Variants in CYRIB observed in about 807,000 individuals in gnomAD.
CYRIB encodes the protein CYFIP-related Rac1 interactor B.
In CYRIB, 8 loss-of-function variants were observed where a neutral mutation model predicts 44.2. The ratio of observed to expected loss-of-function variants is 0.18; its 90% confidence interval spans 0.11 to 0.33. CYRIB has a LOEUF of 0.33. Among genes scored for constraint, CYRIB ranks in the 10% least tolerant of loss-of-function variants. CYRIB has a pLI of 1.00. For missense variants in CYRIB, 185 were observed against 382.8 expected, an observed-to-expected ratio of 0.48 and a Z score of 4.31; for synonymous variants, 131 against 127.2, an observed-to-expected ratio of 1.03 and a Z score of -0.20.
At chr8:129,938,397 C>A (rs567300947) in intron 1 of CYRIB, among the ~76,000 whole-genome samples, 1 of 152,308 alleles carries the variant, frequency 6.6e-6, no homozygotes, top group African/African-American at 2.4e-5. Flanking sequence ...CTTTGGAATG[C>A]CGATCTCCCA....
chr8:129,957,157 T>C (rs996265107), intron 2 of CYRIB, among the ~76,000 whole-genome samples: 14 of 152,192 alleles, frequency 9.2e-5, no homozygotes, highest in African/African-American at 3.4e-4. Flanking sequence ...CCACTGTGCA[T>C]GGCCTAAGCC....
chr8:129,858,583 G>A (rs1166246359), intron 5 of CYRIB, among the ~76,000 whole-genome samples: 1 of 152,204 alleles, frequency 6.6e-6, no homozygotes, highest in African/African-American at 2.4e-5. Flanking sequence ...ACTCTCAGAA[G>A]AGAACCTGAG....
intron 1 of CYRIB, among the ~76,000 whole-genome samples, chr8:130,003,551 T>C (rs912357399): frequency 6.6e-6 from 1 of 152,218 alleles, no homozygotes; most frequent in African/African-American, 2.4e-5. Flanking sequence ...CAATCTCAGG[T>C]GCTTTTCAGC....
chr8:129,855,560 A>C, intron 6 of CYRIB, 51 bp downstream of exon 8: 1 of 1,594,788 alleles, frequency 6.3e-7, no homozygotes, highest in Non-Finnish European at 8.6e-7. Context: ...CCTAGTACTC[A>C]TTAAAAGATT....
exon 12 of CYRIB, chr8:129,839,626 A>G (rs1440416120): frequency 1.3e-5 from 2 of 152,366 alleles, no homozygotes; most frequent in South Asian, 4.1e-4. Context: ...TATGAACACT[A>G]AAATTTGAAT....
intron 2 of CYRIB, among the ~76,000 whole-genome samples, chr8:129,952,526 A>G (rs1245738867): frequency 6.6e-6 from 1 of 152,196 alleles, no homozygotes; most frequent in Non-Finnish European, 1.5e-5. Flanking sequence ...AAACTCAATG[A>G]TAACAAGATG....
chr8:130,013,696 C>T lies in CYRIB; in HGVS notation c.-296+2674G>A, dbSNP rs577436517. 2.6e-4 allele frequency among the ~76,000 whole-genome samples: 40 copies of T among 152,262 alleles called. No homozygotes were observed. In the South Asian group the frequency reaches 3.9e-3, roughly 15 times the overall value. On this transcript the variant is annotated intron_variant, in intron 1 of 14. Coordinates refer to the CYRIB transcript ENST00000401979. ...CCTCCTGGCACCCGCGTCCCTCGGGCGTCCTTCCTGTTCTTCGTGTGCATG... is the reference window on the plus strand; with the variant it reads ...CCTCCTGGCACCCGCGTCCCTCGGGTGTCCTTCCTGTTCTTCGTGTGCATG...
exon 12 of CYRIB, chr8:129,842,170 G>T: frequency 6.2e-7 from 1 of 1,612,628 alleles, no homozygotes. Flanking sequence ...AATTTGCTTG[G>T]AGGTAGTCTC....
At chr8:129,840,935 G>A (rs758644483) in exon 12 of CYRIB, 3 of 152,136 alleles carry the variant, frequency 2.0e-5, no homozygotes, top group Non-Finnish European at 2.9e-5. Context: ...ATTATACCTC[G>A]GATATTCCTA....
intron 1 of CYRIB, among the ~76,000 whole-genome samples, chr8:129,903,866 T>C (rs2073736764): frequency 6.6e-6 from 1 of 152,202 alleles, no homozygotes; most frequent in Non-Finnish European, 1.5e-5. Flanking sequence ...TTTGGCAAAA[T>C]TCAAGTGAAC....
chr8:130,001,390 C>T (rs2096903721), intron 1 of CYRIB, among the ~76,000 whole-genome samples: 1 of 152,094 alleles, frequency 6.6e-6, no homozygotes, highest in South Asian at 2.1e-4. Flanking sequence ...ATTGAGAACA[C>T]ACTGACCACA....
chr8:129,915,814 T>G (rs2080453698), intron 1 of CYRIB, among the ~76,000 whole-genome samples: 1 of 152,182 alleles, frequency 6.6e-6, no homozygotes, highest in African/African-American at 2.4e-5. Context: ...CACATTACTC[T>G]AAGGTATGTA....
Position 129,879,304 on chromosome 8 carries a change from T to C in CYRIB, c.73+85A>G, listed in dbSNP as rs1450979951. ...CAGTCATGCAAAGCAGTTAAAAAGA[T>C]GGCAAAGTGGAAACATTCATTTAGT... On this transcript the variant is annotated intron_variant, in intron 3 of 11. Transcript: ENST00000519824. The C allele has an allele frequency of 4.1e-5, 37 of 907,788 alleles. No homozygotes were observed. In the Admixed American group the frequency reaches 6.3e-4, roughly 15 times the overall value. The allele number at this position is 907,788 out of a possible 1,614,324, so 56.2% of individuals were successfully genotyped here.
intron 5 of CYRIB, 73 bp from the exon 8 acceptor site, chr8:129,855,820 A>G: frequency 7.4e-7 from 1 of 1,345,432 alleles, no homozygotes; most frequent in South Asian, 1.4e-5. Context: ...AAAGTGAACA[A>G]TTCATAAATG....
chr8:129,871,728 C>T (rs2057298448), intron 3 of CYRIB, among the ~76,000 whole-genome samples: 1 of 152,130 alleles, frequency 6.6e-6, no homozygotes, highest in Non-Finnish European at 1.5e-5. Flanking sequence ...ACATTATTAA[C>T]TTAGTTTAAG....
chr8:130,002,690 G>C (rs1056508925), intron 1 of CYRIB, among the ~76,000 whole-genome samples: 5 of 152,154 alleles, frequency 3.3e-5, no homozygotes, highest in Non-Finnish European at 7.4e-5. Context: ...AGCCTCCATG[G>C]CCCTGACTTT....
intron 2 of CYRIB, among the ~76,000 whole-genome samples, chr8:129,887,795 C>A (rs1202905238): frequency 2.6e-5 from 4 of 152,188 alleles, no homozygotes; most frequent in African/African-American, 9.7e-5. Flanking sequence ...AGGCTTAAAG[C>A]CCCTTTGTTT....
At chr8:129,965,461 T>C (rs2095437652) in intron 2 of CYRIB, among the ~76,000 whole-genome samples, 1 of 152,294 alleles carries the variant, frequency 6.6e-6, no homozygotes, top group South Asian at 2.1e-4. Context: ...TTAGCAGATA[T>C]GACCTACTAT....
At chr8:129,917,229 T>A (rs1589682349) in intron 1 of CYRIB, among the ~76,000 whole-genome samples, 1 of 152,228 alleles carries the variant, frequency 6.6e-6, no homozygotes, top group South Asian at 2.1e-4. Context: ...CATTCATCCA[T>A]CCAAGTTAGA....
Sources: allele counts gnomAD v4.1 joint callset (sites outside exome capture counted in the v4.1 genomes callset), GRCh38; gene constraint gnomAD v4.1.1; transcripts MANE v1.5; gene names NCBI Gene and HGNC (gene_info 2026-07-23, HGNC 2026-07-21).